CSMD1: variants seen among roughly 807,000 people sequenced by gnomAD.
CSMD1 encodes CUB and Sushi multiple domains 1.
In CSMD1, 213 loss-of-function variants were observed where a neutral mutation model predicts 417.5. The observed-to-expected ratio is 0.51, with a 90% confidence interval of 0.46 to 0.57. The LOEUF is 0.57. Among genes scored for constraint, CSMD1 ranks in the 20% least tolerant of loss-of-function variants. The pLI, the probability that CSMD1 is intolerant of heterozygous loss-of-function variation, is 0.00. For missense variants in CSMD1, 6,923 were observed against 4,529.7 expected, an observed-to-expected ratio of 1.53 and a Z score of -15.17; for synonymous variants, 2,862 against 1,736.8, an observed-to-expected ratio of 1.65 and a Z score of -16.11.
intron 2 of CSMD1, among the ~76,000 whole-genome samples, chr8:4,520,106 G>A (rs1384321708): frequency 6.6e-6 from 1 of 152,058 alleles, no homozygotes; most frequent in Non-Finnish European, 1.5e-5. Context: ...ATGATGTTCT[G>A]GTTTTTATTT....
At chr8:4,980,348 G>C (rs981472085) in intron 1 of CSMD1, among the ~76,000 whole-genome samples, 3 of 152,206 alleles carry the variant, frequency 2.0e-5, no homozygotes, top group Non-Finnish European at 2.9e-5. Context: ...CAGTGCCTCA[G>C]TTGCACTTAG....
chr8:4,749,034 C>CTG (rs145891673), intron 1 of CSMD1, among the ~76,000 whole-genome samples: 1 of 149,388 alleles, frequency 6.7e-6, no homozygotes, highest in South Asian at 2.1e-4. Flanking sequence ...TGACCCAAAA[C>CTG]TGTGTGTGTG....
intron 10 of CSMD1, among the ~76,000 whole-genome samples, chr8:3,554,282 T>C (rs960235385): frequency 2.0e-5 from 3 of 152,232 alleles, no homozygotes; most frequent in African/African-American, 7.2e-5. Flanking sequence ...TGGTAGGGAA[T>C]ATCTTAAATG....
At chr8:4,986,026 C>G (rs1007598436) in intron 1 of CSMD1, among the ~76,000 whole-genome samples, 3 of 152,214 alleles carry the variant, frequency 2.0e-5, no homozygotes, top group African/African-American at 7.2e-5. Context: ...CTCTGCAATG[C>G]TCGACTATCC....
intron 8 of CSMD1, among the ~76,000 whole-genome samples, chr8:3,591,393 C>G (rs1800838182): frequency 1.3e-5 from 2 of 152,160 alleles, no homozygotes; most frequent in Non-Finnish European, 2.9e-5. Flanking sequence ...TAAACTATTT[C>G]CAAACACGCT....
chr8:3,552,693 GGTCTGAA>G (rs1283571611), intron 10 of CSMD1, among the ~76,000 whole-genome samples: 1 of 152,042 alleles, frequency 6.6e-6, no homozygotes, highest in African/African-American at 2.4e-5. Flanking sequence ...ACTCCATTTG[GGTCTGAA>G]GTTTTAGACT....
chr8:3,478,467 G>T (rs900270698), intron 11 of CSMD1, among the ~76,000 whole-genome samples: 1 of 152,148 alleles, frequency 6.6e-6, no homozygotes, highest in East Asian at 1.9e-4. Context: ...ACAAATATCA[G>T]GCCTGATAAT....
In CSMD1 at chr8:3,893,363, T is replaced by TATATATATATATATATATATATATA. The variant is rs1563185043; in HGVS notation, c.818+104539_818+104540insTATATATATATATATATATATATAT. On this transcript the variant is annotated intron_variant, in intron 5 of 69. Transcript: ENST00000635120. ...TTTATATATATATATATATATATAT[T>TATATATATATATATATATATATATA]ATTTTTTTTCTTAGAGGGTCATCAA... 8.7e-4 allele frequency among the ~76,000 whole-genome samples: 25 copies of TATATATATATATATATATATATATA among 28,806 alleles called. 1 individual carries two copies. The highest frequency in any genetic ancestry group is 1.5e-3 in the African/African-American group (20 of 12,938). 18.9% of individuals were successfully genotyped at this position (28,806 alleles called of 152,430 possible). A position where few individuals can be genotyped will look rare whatever the true frequency, so the allele number is the denominator to read the frequency against.
At chr8:4,416,732 AAT>A (rs1199388986) in intron 3 of CSMD1, among the ~76,000 whole-genome samples, 1 of 152,086 alleles carries the variant, frequency 6.6e-6, no homozygotes, top group African/African-American at 2.4e-5. Context: ...CCTCAAGTCT[AAT>A]ATGTGTCAGC....
At chr8:3,600,654 G>C (rs991332956) in intron 8 of CSMD1, among the ~76,000 whole-genome samples, 2 of 152,180 alleles carry the variant, frequency 1.3e-5, no homozygotes, top group African/African-American at 2.4e-5. Flanking sequence ...CAGATGATAA[G>C]AGACAGAAAA....
At chr8:4,170,794 G>C (rs903560321) in intron 3 of CSMD1, among the ~76,000 whole-genome samples, 5 of 151,590 alleles carry the variant, frequency 3.3e-5, no homozygotes, top group African/African-American at 9.8e-5. Context: ...GGTTCTGTTT[G>C]GGGATTACCT....
At chr8:3,595,007 C>A (rs1161893784) in intron 8 of CSMD1, among the ~76,000 whole-genome samples, 1 of 152,222 alleles carries the variant, frequency 6.6e-6, no homozygotes, top group Non-Finnish European at 1.5e-5. Context: ...AACCCGGCCT[C>A]TGTGTGCAGT....
intron 2 of CSMD1, among the ~76,000 whole-genome samples, chr8:4,492,668 C>A (rs1801764826): frequency 6.6e-6 from 1 of 152,114 alleles, no homozygotes; most frequent in Non-Finnish European, 1.5e-5. Flanking sequence ...AATATGTAGA[C>A]AACTGAAGGT....
rs116066125 is a variant in CSMD1 at position 4,931,125 on chromosome 8, G to A, written c.85+63207C>T. Among the ~76,000 whole-genome samples the A allele has an allele frequency of 3.9e-5, 6 of 152,270 alleles. No individual in the cohort carries two copies. In the South Asian group the frequency reaches 1.0e-3, roughly 26 times the overall value. ...TCTTCATTTTCCATTAGCCTGATAT[G>A]ATTGGTTTTATTACGTTTTACCTTA... On this transcript the variant is annotated intron_variant, in intron 1 of 69. Transcript: ENST00000635120.
intron 2 of CSMD1, among the ~76,000 whole-genome samples, chr8:4,567,139 C>T (rs1305769528): frequency 6.6e-6 from 1 of 152,162 alleles, no homozygotes; most frequent in South Asian, 2.1e-4. Context: ...CACAGCCCTA[C>T]TCAGAGTATT....
Position 4,031,997 on chromosome 8 carries a change from G to A in CSMD1, c.518C>T (p.Pro173Leu), listed in dbSNP as rs746282615. The A allele has an allele frequency of 3.8e-5, 61 of 1,613,958 alleles. No homozygotes were observed. The Admixed American group carries it at 8.0e-4, about 21-fold the overall frequency. ...GGCGTGGCCTTCCAAGATGTAGCCA[G>A]GGAGGCAGCTGTACCGGATTTTGTC... is the stretch of plus-strand genomic sequence containing the variant. Reference protein sequence around the residue: ...IGDKIRYSCLPGYILEGHAIL... With the variant: ...IGDKIRYSCLLGYILEGHAIL... The change falls in exon 4 of 70, where the codon CCT becomes CTT. Residue 173 changes from proline (P) to leucine (L), a missense_variant. Coordinates refer to ENST00000635120, the MANE Select transcript of CSMD1 (RefSeq NM_033225.6).
intron 5 of CSMD1, among the ~76,000 whole-genome samples, chr8:3,872,540 G>C (rs1367717330): frequency 6.6e-6 from 1 of 152,236 alleles, no homozygotes; most frequent in African/African-American, 2.4e-5. Context: ...CTGAAAGGCT[G>C]ATCTCAAGAA....
chr8:3,566,990 G>T (rs1799741647), intron 10 of CSMD1, among the ~76,000 whole-genome samples: 1 of 152,180 alleles, frequency 6.6e-6, no homozygotes, highest in African/African-American at 2.4e-5. Context: ...GTTCATTGCA[G>T]CACTATTGAC....
At chr8:4,401,358 T>C (rs1051659498) in intron 3 of CSMD1, among the ~76,000 whole-genome samples, 2 of 152,340 alleles carry the variant, frequency 1.3e-5, no homozygotes, top group East Asian at 3.9e-4. Flanking sequence ...GTATTGTTAT[T>C]ACATTTTATT....
Sources: allele counts gnomAD v4.1 joint callset (sites outside exome capture counted in the v4.1 genomes callset), GRCh38; gene constraint gnomAD v4.1.1; transcripts MANE v1.5; gene names NCBI Gene and HGNC (gene_info 2026-07-23, HGNC 2026-07-21).